DMD: variants seen among roughly 807,000 people sequenced by gnomAD.
The protein encoded by DMD is mutant dystrophin.
A neutral mutation model predicts 330.1 loss-of-function variants in DMD; 63 were observed. The ratio of observed to expected loss-of-function variants is 0.19; its 90% CI spans 0.16 to 0.24. The LOEUF (loss-of-function observed/expected upper bound fraction) is 0.24, where lower values mean the gene tolerates loss of function less well. DMD is among the 10% of genes least tolerant of loss of function. DMD has a pLI of 1.00. For missense variants in DMD, 3,344 were observed against 2,684.1 expected, an observed-to-expected ratio of 1.25 and a Z score of -5.43; for synonymous variants, 1,223 against 959.8, an observed-to-expected ratio of 1.27 and a Z score of -5.07.
rs561083911 is a variant in DMD at position 31,854,101 on chromosome X, T to C, written c.7099-17282A>G. On this transcript the variant is annotated intron_variant, in intron 48 of 78. Transcript: ENST00000357033. ...CCTGCTAAGCTATATTCCTATATCCTTCTAAGTGCCTTTGCTACTGAATGT... is the reference window on the plus strand; with the variant it reads ...CCTGCTAAGCTATATTCCTATATCCCTCTAAGTGCCTTTGCTACTGAATGT... 5.3e-5 allele frequency among the ~76,000 whole-genome samples: 6 copies of C among 112,342 alleles called. No homozygotes were observed. The South Asian group carries it at 2.2e-3, about 41-fold the overall frequency.
chrX:32,632,745 T>C (rs1602347152), intron 11 of DMD, among the ~76,000 whole-genome samples: 1 of 98,388 alleles, frequency 1.0e-5, no homozygotes, highest in Admixed American at 1.1e-4. Context: ...GGGGGAGGGG[T>C]TGGGGCGGGG....
intron 62 of DMD, among the ~76,000 whole-genome samples, chrX:31,310,886 G>A (rs1041798749): frequency 1.3e-4 from 14 of 110,852 alleles, no homozygotes; most frequent in African/African-American, 4.6e-4. Flanking sequence ...TTAATCTTCA[G>A]AAAACATAAG....
chrX:32,583,197 C>A (rs7061566), intron 13 of DMD, among the ~76,000 whole-genome samples: 4,472 of 111,576 alleles, frequency 0.04, 234 homozygotes, highest in African/African-American at 0.14. Flanking sequence ...TTTTCTTTTA[C>A]AATATTACCA....
intron 9 of DMD, among the ~76,000 whole-genome samples, chrX:32,667,121 A>C (rs1023118203): frequency 4.2e-4 from 47 of 111,728 alleles, no homozygotes; most frequent in African/African-American, 1.5e-3. Context: ...ATTTGCTACA[A>C]CATGGATGAG....
At chrX:32,483,679 T>A (rs1372033452) in intron 21 of DMD, among the ~76,000 whole-genome samples, 3 of 108,111 alleles carry the variant, frequency 2.8e-5, no homozygotes, top group Non-Finnish European at 5.8e-5. Context: ...ATCTAGGACA[T>A]TTAAAATATT....
chrX:31,538,750 T>G (rs1348445288), intron 55 of DMD, among the ~76,000 whole-genome samples: 1 of 111,325 alleles, frequency 9.0e-6, no homozygotes, highest in East Asian at 2.8e-4. Context: ...TCTAGAAATG[T>G]GTATTAAATT....
At chrX:31,614,568 A>G (rs1290305916) in intron 55 of DMD, among the ~76,000 whole-genome samples, 1 of 111,997 alleles carries the variant, frequency 8.9e-6, no homozygotes, top group Non-Finnish European at 1.9e-5. Context: ...CTTTCTCACT[A>G]TCAAGAAACA....
At chrX:31,312,272 C>T (rs1274331369) in intron 62 of DMD, among the ~76,000 whole-genome samples, 2 of 112,095 alleles carry the variant, frequency 1.8e-5, no homozygotes, top group Non-Finnish European at 3.8e-5. Context: ...AAAAGACAAA[C>T]AACCCTATCA....
At chrX:33,221,275 T>C (rs1408665916) in intron 1 of DMD, among the ~76,000 whole-genome samples, 1 of 111,869 alleles carries the variant, frequency 8.9e-6, no homozygotes, top group African/African-American at 3.2e-5. Flanking sequence ...AAAAGAAAAG[T>C]TGACATTTTA....
At chrX:31,245,871 A>T (rs2048784131) in intron 63 of DMD, among the ~76,000 whole-genome samples, 1 of 111,110 alleles carries the variant, frequency 9.0e-6, no homozygotes, top group African/African-American at 3.3e-5. Context: ...CAACAATATT[A>T]AAATCAGGGT....
At chrX:33,213,184 A>G (rs1167548717), upstream of DMD, among the ~76,000 whole-genome samples, 3 of 111,501 alleles carry the variant, frequency 2.7e-5, no homozygotes, top group Non-Finnish European at 3.8e-5. Flanking sequence ...GAGAAACCCT[A>G]AAGTGTATGT....
At chrX:32,622,382 C>A (rs1277183604) in intron 11 of DMD, among the ~76,000 whole-genome samples, 3 of 111,844 alleles carry the variant, frequency 2.7e-5, no homozygotes, top group East Asian at 5.6e-4. Context: ...GAAAATATTT[C>A]TTTTCCTTAC....
intron 44 of DMD, among the ~76,000 whole-genome samples, chrX:32,103,409 T>C (rs2096549185): frequency 9.0e-6 from 1 of 111,627 alleles, no homozygotes; most frequent in African/African-American, 3.3e-5. Flanking sequence ...CTTCACATGA[T>C]GACTCTATAA....
At chrX:31,636,338 TA>T (rs2079415435) in intron 54 of DMD, among the ~76,000 whole-genome samples, 1 of 111,935 alleles carries the variant, frequency 8.9e-6, no homozygotes, top group African/African-American at 3.2e-5. Context: ...CTCCTGAACT[TA>T]AAATAAAAGT....
In DMD at chrX:31,120,469, T is replaced by C. The variant is rs763527539; in HGVS notation, c.*1450A>G. 1 of 112,121 alleles carries C rather than the reference T, an allele frequency of 8.9e-6. No individual in the cohort carries two copies. Among genetic ancestry groups the C allele is most frequent in the South Asian group, 3.7e-4 (1 of 2,693 alleles). 9.2% of individuals were successfully genotyped at this position (112,121 alleles called of 1,213,427 possible). A position where few individuals can be genotyped will look rare whatever the true frequency, so the allele number is the denominator to read the frequency against. Reference sequence around the variant, plus strand: ...AGTATCACAAATGTGATGGGGCTACTGTTTTACACCTTTTCCCAAAGTTTA... The same window carrying C: ...AGTATCACAAATGTGATGGGGCTACCGTTTTACACCTTTTCCCAAAGTTTA... On this transcript the variant is annotated 3_prime_UTR_variant, in exon 79 of 79. Transcript: ENST00000357033.
chrX:32,319,798 T>C (rs1196634945), intron 41 of DMD, among the ~76,000 whole-genome samples: 1 of 111,149 alleles, frequency 9.0e-6, no homozygotes, highest in Admixed American at 9.6e-5. Flanking sequence ...GGTATCATAA[T>C]GTCTATTAGC....
At chrX:31,376,501 G>A (rs1032062251) in intron 60 of DMD, among the ~76,000 whole-genome samples, 9 of 111,806 alleles carry the variant, frequency 8.0e-5, no homozygotes, top group African/African-American at 2.6e-4. Flanking sequence ...GGGAGTTTTT[G>A]TTATTCAGAA....
At chrX:32,444,156 C>G (rs774634198) in intron 27 of DMD, among the ~76,000 whole-genome samples, 1 of 110,310 alleles carries the variant, frequency 9.1e-6, no homozygotes, top group African/African-American at 3.3e-5. Context: ...AAGCAGTGTG[C>G]CATCCACCCT....
chrX:31,192,328 G>C (rs1443619171), intron 67 of DMD, among the ~76,000 whole-genome samples: 1 of 112,236 alleles, frequency 8.9e-6, no homozygotes. Context: ...TTAGACACAA[G>C]ATACTTGGGT....
Sources: gnomAD v4.1 joint callset for allele counts (sites outside exome capture counted in the v4.1 genomes callset) on GRCh38, gnomAD v4.1.1 for gene constraint, MANE v1.5 for transcripts, NCBI Gene and HGNC (gene_info 2026-07-23, HGNC 2026-07-21) for gene names.